The following EML5 variants were observed in gnomAD, a reference collection of about 807,000 sequenced individuals.
EML5 encodes the protein echinoderm microtubule-associated protein-like 5.
EML5 carries 120 observed loss-of-function variants against 250.0 expected under a neutral mutation model. The ratio of observed to expected loss-of-function variants is 0.48; its 90% CI spans 0.41 to 0.56. EML5 has a LOEUF of 0.56. Among genes scored for constraint, EML5 ranks in the 20% least tolerant of loss-of-function variants. EML5 has a pLI of 0.00. For missense variants in EML5, 2,006 were observed against 2,437.6 expected (o/e 0.82, Z 3.73); for synonymous variants, 771 against 806.5 (o/e 0.96, Z 0.75).
chr14:88,694,507 T>C, intron 16 of EML5, 100 bp from the exon 17 acceptor site: 4 of 796,118 alleles, frequency 5.0e-6, no homozygotes, highest in Non-Finnish European at 7.8e-6. Context: ...TATTTACGAA[T>C]ATTTTACTCC....
intron 14 of EML5, among the ~76,000 whole-genome samples, chr14:88,698,263 T>A (rs923483408): frequency 8.5e-6 from 1 of 117,072 alleles, no homozygotes; most frequent in African/African-American, 4.1e-5. Context: ...TTCTCCAGTT[T>A]CCTTTTTTTT....
chr14:88,613,555 A>T lies in EML5; in HGVS notation c.*2263T>A, dbSNP rs988876156. On this transcript the variant is annotated 3_prime_UTR_variant, in exon 44 of 44. Transcript: ENST00000554922. ...GCCACTGCCCAGACACATATTTAAGAGTTTAATCTTTCAGTTGCTATGGCT... is the reference window on the plus strand; with the variant it reads ...GCCACTGCCCAGACACATATTTAAGTGTTTAATCTTTCAGTTGCTATGGCT... 1 of 152,136 alleles carries T rather than the reference A, an allele frequency of 6.6e-6. No individual in the cohort carries two copies. Among genetic ancestry groups the T allele is most frequent in the Admixed American group, 6.5e-5 (1 of 15,268 alleles). The allele number at this position is 152,136 out of a possible 1,614,324, so 9.4% of individuals were successfully genotyped here. A position where few individuals can be genotyped will look rare whatever the true frequency, so the allele number is the denominator to read the frequency against.
chr14:88,703,998 A>G (rs1566664614), intron 13 of EML5, among the ~76,000 whole-genome samples: 1 of 152,164 alleles, frequency 6.6e-6, no homozygotes, highest in Non-Finnish European at 1.5e-5. Context: ...AGTCACCACT[A>G]GCATTGCCTT....
At chr14:88,616,644 TTAAA>T in intron 42 of EML5, 78 bp downstream of exon 42, 3 of 1,332,296 alleles carry the variant, frequency 2.3e-6, no homozygotes, top group East Asian at 2.5e-5. Flanking sequence ...ACAAAACATT[TTAAA>T]TATATGGGGA....
intron 7 of EML5, among the ~76,000 whole-genome samples, chr14:88,729,567 T>TG (rs1047806793): frequency 3.8e-4 from 57 of 151,364 alleles, no homozygotes; most frequent in African/African-American, 1.1e-3. Context: ...GGTTTTTTGT[T>TG]TTTTGTTTTT....
In EML5 at chr14:88,706,360, T is replaced by TAATC; in HGVS notation, c.1720_1723dup (p.Tyr575Ter). On this transcript the variant is annotated stop_gained and frameshift_variant, in exon 11 of 44. Coordinates refer to ENST00000554922, the MANE Select transcript of EML5 (RefSeq NM_183387.3). LOFTEE classifies it high-confidence loss of function. The stretch of plus-strand genomic sequence containing the variant: ...TCCACCAATAGAAATAACCCACTGA[T>TAATC]AATCATGTGACCATCTGACATTAGT... 6.2e-7 allele frequency: 1 copy of TAATC among 1,610,066 alleles called. No individual in the cohort carries two copies. Among genetic ancestry groups the TAATC allele is most frequent in the Non-Finnish European group, 8.5e-7 (1 of 1,178,216 alleles).
rs117900105 is a variant in EML5, at chr14:88,646,668, C to T, written c.4028+279G>A. Among the ~76,000 whole-genome samples the T allele has an allele frequency of 8.7e-3, 1,328 of 152,042 alleles. 10 individuals are homozygous for T. Among genetic ancestry groups the T allele is most frequent in the Non-Finnish European group, 0.014 (950 of 67,952 alleles). On this transcript the variant is annotated intron_variant, in intron 29 of 43. Transcript: ENST00000554922. ...AGCATATTTTAATTTTTATAAATATCATTTATATAAGGTATATCATTGCTG... is the reference window on the plus strand; with the variant it reads ...AGCATATTTTAATTTTTATAAATATTATTTATATAAGGTATATCATTGCTG...
chr14:88,717,786 C>CAAT (rs1293893094), intron 8 of EML5, among the ~76,000 whole-genome samples: 1 of 149,202 alleles, frequency 6.7e-6, no homozygotes, highest in Non-Finnish European at 1.5e-5. Context: ...ACAACAACAA[C>CAAT]AAAACAAATT....
rs1566636586 is a variant in EML5, at chr14:88,688,337, G to T, written c.2676C>A (p.Asp892Glu). 6.2e-7 allele frequency: 1 copy of T among 1,613,912 alleles called. No homozygotes were observed. The highest frequency in any genetic ancestry group is 8.5e-7 in the Non-Finnish European group (1 of 1,179,884). The change falls in exon 18 of 44, where the codon GAC (aspartate) becomes GAA (glutamate). Residue 892 changes from aspartate (D) to glutamate (E), a missense_variant. By Grantham distance (45) the Asp-to-Glu change is conservative (BLOSUM62 2). This residue lies in a region of EML5 where 1,375 missense variants were observed against 1,590.3 expected (regional missense o/e 0.86). Coordinates refer to ENST00000554922, the MANE Select transcript of EML5 (RefSeq NM_183387.3). The part of the protein sequence containing the change: ...TSTGDVCIWR[D>E]IFLVKTVKAH... ...CTTTCACTGTTTTTACAAGAAAGAT[G>T]TCTCTCCAGATACACACATCTCCTG...
chr14:88,696,276 T>A (rs548446153), intron 15 of EML5, among the ~76,000 whole-genome samples: 1 of 152,192 alleles, frequency 6.6e-6, no homozygotes, highest in South Asian at 2.1e-4. Context: ...GAATTCTCTA[T>A]TAATGTATTT....
chr14:88,684,186 T>C (rs2141196694), intron 20 of EML5, among the ~76,000 whole-genome samples: 1 of 149,846 alleles, frequency 6.7e-6, no homozygotes, highest in South Asian at 2.2e-4. Flanking sequence ...CAATCAAAAT[T>C]AAGAAAACAG....
At chr14:88,663,640 A>G (rs746689373) in intron 23 of EML5, among the ~76,000 whole-genome samples, 1 of 152,156 alleles carries the variant, frequency 6.6e-6, no homozygotes, top group Admixed American at 6.6e-5. Flanking sequence ...GATATATTTC[A>G]TATCAAACAA....
At chr14:88,728,973 C>A (rs2140114686) in intron 7 of EML5, among the ~76,000 whole-genome samples, 1 of 152,026 alleles carries the variant, frequency 6.6e-6, no homozygotes, top group Admixed American at 6.5e-5. Context: ...AAAATTGTTA[C>A]TAGTTTATAG....
At chr14:88,635,470 A>G (rs1370218772) in intron 32 of EML5, among the ~76,000 whole-genome samples, 2 of 152,210 alleles carry the variant, frequency 1.3e-5, no homozygotes, top group African/African-American at 4.8e-5. Context: ...TTGTCTCTGA[A>G]TATTAACAGG....
intron 5 of EML5, 27 bp from the exon 6 acceptor site, chr14:88,739,041 C>G (rs149028423): frequency 6.4e-7 from 1 of 1,568,188 alleles, no homozygotes; most frequent in African/African-American, 1.4e-5. Context: ...AATAATTTAA[C>G]GACAAATATT....
In EML5 at chr14:88,746,253, T is replaced by C; in HGVS notation, c.388A>G (p.Asn130Asp). The C allele has an allele frequency of 1.2e-6, 2 of 1,613,426 alleles. No individual in the cohort carries two copies. Among genetic ancestry groups the C allele is most frequent in the Non-Finnish European group, 1.7e-6 (2 of 1,179,580 alleles). The part of the protein sequence containing the change: ...RLVSVGLDSK[N>D]AVCVWDWKRG... ...TTCCAGTCCCAAACACAAACTGCAT[T>C]CTTTGAATCAAGTCCAACTGAAACC... The change falls in exon 3 of 44, where the codon AAT becomes GAT. Residue 130 changes from asparagine to aspartate, a missense_variant. Transcript: ENST00000554922.
At chr14:88,724,311 ATCCTGCTTTACCATATGGAGAATAC>A in intron 8 of EML5, among the ~76,000 whole-genome samples, 1 of 151,808 alleles carries the variant, frequency 6.6e-6, no homozygotes, top group African/African-American at 2.4e-5. Context: ...TCAGTAATGA[ATCCTGCTTTACCATATGGAGAATAC>A]AAAGCAAATC....
Position 88,621,299 on chromosome 14 carries a change from G to C in EML5, c.5016C>G (p.Gly1672=), listed in dbSNP as rs753011904. The change falls in exon 38 of 44, where the codon GGC becomes GGG. Residue 1672 remains glycine (G), a splice_region_variant and synonymous_variant. Transcript: ENST00000554922. ...CATTCCTTGTCCCAACAAGGATCTT[G>C]CCCTGAAACACAAGCAGGACCAATA... is the stretch of plus-strand genomic sequence containing the variant. ...DCVRSVCRGK[G]KILVGTRNAE... is the part of the protein sequence containing the mutation. 1 of 1,613,774 alleles carries C rather than the reference G, an allele frequency of 6.2e-7. No homozygotes were observed. The highest frequency in any genetic ancestry group is 8.5e-7 in the Non-Finnish European group (1 of 1,179,836).
chr14:88,705,427 A>G (rs2093298677), intron 12 of EML5, 55 bp downstream of exon 12: 1 of 1,266,198 alleles, frequency 7.9e-7, no homozygotes, highest in African/African-American at 1.5e-5. Context: ...ACGGGGAGCA[A>G]GATAAAGAAG....
Sources: allele counts gnomAD v4.1 joint callset (sites outside exome capture counted in the v4.1 genomes callset), GRCh38; gene constraint gnomAD v4.1.1; regional missense constraint gnomAD v4.1.1; transcripts MANE v1.5; gene names NCBI Gene and HGNC (gene_info 2026-07-23, HGNC 2026-07-21).